IKBKB-DT: variants seen among roughly 807,000 people sequenced by gnomAD.
The protein encoded by IKBKB-DT is IKBKB divergent transcript, also known as IKBKB antisense RNA.
intron 3 of IKBKB-DT, among the ~76,000 whole-genome samples, chr8:42,236,525 G>A (rs905467743): frequency 6.6e-6 from 1 of 152,166 alleles, no homozygotes; most frequent in Admixed American, 6.5e-5. Context: ...TTGCACTTTG[G>A]AAGGCCGAGG....
chr8:42,242,499 A>G (rs1281513351), intron 3 of IKBKB-DT, among the ~76,000 whole-genome samples: 1 of 152,228 alleles, frequency 6.6e-6, no homozygotes, highest in Non-Finnish European at 1.5e-5. Context: ...TAATTAAGGT[A>G]TAATGAGAAT....
chr8:42,253,102 A>G (rs1388575304), intron 3 of IKBKB-DT, among the ~76,000 whole-genome samples: 1 of 152,212 alleles, frequency 6.6e-6, no homozygotes, highest in African/African-American at 2.4e-5. Flanking sequence ...CTGAATAGGA[A>G]AATTTATCAT....
intron 3 of IKBKB-DT, among the ~76,000 whole-genome samples, chr8:42,245,424 CTGAT>C (rs1321272579): frequency 6.6e-6 from 1 of 152,220 alleles, no homozygotes; most frequent in Non-Finnish European, 1.5e-5. Context: ...GTTCTGCAAA[CTGAT>C]TGTGTTCACA....
chr8:42,247,335 C>T (rs945376842), intron 3 of IKBKB-DT, among the ~76,000 whole-genome samples: 8 of 152,114 alleles, frequency 5.3e-5, no homozygotes, highest in Non-Finnish European at 1.2e-4. Flanking sequence ...ACCAGTGGCC[C>T]CTTGGTTTTG....
At chr8:42,237,224 T>C (rs2129899814) in intron 3 of IKBKB-DT, among the ~76,000 whole-genome samples, 1 of 152,092 alleles carries the variant, frequency 6.6e-6, no homozygotes, top group African/African-American at 2.4e-5. Context: ...GTAGCTGGGA[T>C]TACAGGTGCC....
At chr8:42,240,897 C>T (rs1806993334) in intron 3 of IKBKB-DT, among the ~76,000 whole-genome samples, 1 of 152,044 alleles carries the variant, frequency 6.6e-6, no homozygotes, top group Admixed American at 6.6e-5. Flanking sequence ...ATCGCTTGAG[C>T]CCTGGAAGCA....
At position 42,257,771 on chromosome 8, in the gene IKBKB-DT, A is replaced by C. The variant is rs930766015; in HGVS notation, n.1529+5558T>G. Among the ~76,000 whole-genome samples the C allele has an allele frequency of 4.6e-5, 7 of 151,578 alleles. No homozygotes were observed. The East Asian group carries it at 1.4e-3, about 29-fold the overall frequency. ...CAGCATAGGAGGAGACCTTATCTCT[A>C]AAAAAAAATTTTCAAAGGACAATTT... On this transcript the variant is annotated intron_variant and non_coding_transcript_variant, in intron 3 of 3. Coordinates refer to ENST00000518213, the Ensembl canonical transcript of IKBKB-DT.
chr8:42,246,261 C>G (rs1807061870), intron 3 of IKBKB-DT, among the ~76,000 whole-genome samples: 1 of 152,128 alleles, frequency 6.6e-6, no homozygotes, highest in South Asian at 2.1e-4. Context: ...CTCCTGAGCT[C>G]AAGCGATCCA....
intron 3 of IKBKB-DT, among the ~76,000 whole-genome samples, chr8:42,259,505 T>A (rs1395859731): frequency 6.6e-6 from 1 of 152,208 alleles, no homozygotes; most frequent in East Asian, 1.9e-4. Flanking sequence ...TAATTTAACT[T>A]AACTTAGCAA....
intron 3 of IKBKB-DT, among the ~76,000 whole-genome samples, chr8:42,259,534 C>A (rs1053892139): frequency 2.0e-5 from 3 of 152,008 alleles, no homozygotes; most frequent in Admixed American, 1.3e-4. Context: ...CTATAGGTTA[C>A]CAAAGAGATT....
At chr8:42,266,721 A>C (rs1807374776) in intron 1 of IKBKB-DT, among the ~76,000 whole-genome samples, 1 of 152,156 alleles carries the variant, frequency 6.6e-6, no homozygotes, top group Non-Finnish European at 1.5e-5. Context: ...TTCGGTAAAG[A>C]AGCCGGCTCT....
chr8:42,269,885 C>G (rs762880415), intron 1 of IKBKB-DT, among the ~76,000 whole-genome samples: 1 of 152,170 alleles, frequency 6.6e-6, no homozygotes, highest in African/African-American at 2.4e-5. Context: ...CCTGCTATTA[C>G]AATGAAGCAG....
At chr8:42,262,552 G>T (rs1326288023) in intron 3 of IKBKB-DT, among the ~76,000 whole-genome samples, 1 of 151,934 alleles carries the variant, frequency 6.6e-6, no homozygotes, top group Non-Finnish European at 1.5e-5. Context: ...CCATTCTCCT[G>T]CCTCAGCCTC....
intron 3 of IKBKB-DT, among the ~76,000 whole-genome samples, chr8:42,253,776 C>A (rs1013831263): frequency 2.0e-5 from 3 of 152,306 alleles, no homozygotes; most frequent in Admixed American, 6.5e-5. Context: ...GTACACCGAA[C>A]AAAGGAGTCA....
At chr8:42,254,364 A>C (rs1807166948) in intron 3 of IKBKB-DT, among the ~76,000 whole-genome samples, 2 of 152,238 alleles carry the variant, frequency 1.3e-5, no homozygotes, top group South Asian at 4.1e-4. Flanking sequence ...GTGATTAATC[A>C]TATAGGCTCT....
At chr8:42,236,208 A>T (rs1806919879) in intron 3 of IKBKB-DT, among the ~76,000 whole-genome samples, 1 of 151,092 alleles carries the variant, frequency 6.6e-6, no homozygotes, top group African/African-American at 2.4e-5. Flanking sequence ...GCCATGTTGC[A>T]CAGGCTGGTC....
intron 2 of IKBKB-DT, among the ~76,000 whole-genome samples, chr8:42,264,608 G>A (rs1000935156): frequency 6.6e-6 from 1 of 152,062 alleles, no homozygotes; most frequent in African/African-American, 2.4e-5. Flanking sequence ...TCCCAGGCTG[G>A]AGTGCAGTAG....
At chr8:42,241,222 A>ATTTTTTTTTT (rs1563274607) in intron 3 of IKBKB-DT, among the ~76,000 whole-genome samples, 2 of 66,604 alleles carry the variant, frequency 3.0e-5, no homozygotes, top group African/African-American at 4.8e-5. Flanking sequence ...ATATGTTGGA[A>ATTTTTTTTTT]TCTTTTTTTT....
At chr8:42,235,205 C>CTTTTTTTT (rs746414963) in intron 3 of IKBKB-DT, among the ~76,000 whole-genome samples, 3 of 99,400 alleles carry the variant, frequency 3.0e-5, no homozygotes, top group South Asian at 2.9e-4. Flanking sequence ...CTTTTATTTT[C>CTTTTTTTT]TTTTTTTTTT....
Sources: allele counts gnomAD v4.1 joint callset (sites outside exome capture counted in the v4.1 genomes callset), GRCh38; gene constraint gnomAD v4.1.1; transcripts MANE v1.5; gene names NCBI Gene and HGNC (gene_info 2026-07-23, HGNC 2026-07-21).